OSBPL1A: variants seen among roughly 807,000 people sequenced by gnomAD.
OSBPL1A encodes oxysterol-binding protein-related protein 1.
Under a neutral mutation model 137.1 loss-of-function variants are expected in OSBPL1A, and 80 were observed. The ratio of observed to expected loss-of-function variants is 0.58; its 90% CI spans 0.49 to 0.70. The LOEUF (loss-of-function observed/expected upper bound fraction) is 0.70, where lower values mean the gene tolerates loss of function less well. OSBPL1A is among the 30% of genes least tolerant of loss of function. OSBPL1A has a pLI of 0.00. For missense variants in OSBPL1A, 970 were observed against 1,129.4 expected, an observed-to-expected ratio of 0.86 and a Z score of 2.02; for synonymous variants, 365 against 389.7, an observed-to-expected ratio of 0.94 and a Z score of 0.75.
intron 13 of OSBPL1A, among the ~76,000 whole-genome samples, chr18:24,307,633 C>T (rs886212386): frequency 2.6e-5 from 4 of 152,104 alleles, no homozygotes; most frequent in Admixed American, 1.3e-4. Context: ...TCATTTTATG[C>T]CTTGTCCTTT....
At chr18:24,236,730 A>G (rs2146004362) in intron 16 of OSBPL1A, among the ~76,000 whole-genome samples, 1 of 152,310 alleles carries the variant, frequency 6.6e-6, no homozygotes, top group East Asian at 1.9e-4. Context: ...GAGCCTCAGG[A>G]TCGTTCTCAA....
intron 14 of OSBPL1A, among the ~76,000 whole-genome samples, chr18:24,285,776 T>C (rs1227804598): frequency 6.6e-6 from 1 of 152,198 alleles, no homozygotes; most frequent in Non-Finnish European, 1.5e-5. Flanking sequence ...GGATGATTTA[T>C]CTTTTGTGGT....
intron 13 of OSBPL1A, among the ~76,000 whole-genome samples, chr18:24,310,387 G>T (rs1473451973): frequency 7.3e-6 from 1 of 137,692 alleles, no homozygotes; most frequent in African/African-American, 2.7e-5. Flanking sequence ...AGGAGATCAA[G>T]ATCATCCTGG....
At chr18:24,394,148 T>C (rs908692295) in intron 1 of OSBPL1A, among the ~76,000 whole-genome samples, 9 of 152,218 alleles carry the variant, frequency 5.9e-5, no homozygotes, top group Admixed American at 1.3e-4. Flanking sequence ...TATAAAGCAT[T>C]GAAATCATAA....
intron 15 of OSBPL1A, among the ~76,000 whole-genome samples, chr18:24,255,681 C>T (rs1324191372): frequency 1.3e-5 from 2 of 152,160 alleles, no homozygotes; most frequent in East Asian, 3.8e-4. Context: ...CCAAACTGTG[C>T]TCTGACCACC....
In OSBPL1A at chr18:24,377,483, A is replaced by G. The variant is rs751764618; in HGVS notation, c.51T>C (p.Asn17=). Residue 17 remains asparagine, a synonymous_variant, in exon 2 of 28, where the codon AAT becomes AAC. Transcript: ENST00000319481. ...QQLLHHARNG[N]AEEVRQLLET... is the part of the protein sequence containing the mutation. ...CTAATAGTTGTCTTACTTCTTCAGCATTGCCATTTCTGGCGTGATGGAGAA... is the reference window on the plus strand; with the variant it reads ...CTAATAGTTGTCTTACTTCTTCAGCGTTGCCATTTCTGGCGTGATGGAGAA... 1.2e-6 allele frequency: 2 copies of G among 1,612,410 alleles called. No homozygotes were observed. Among genetic ancestry groups the G allele is most frequent in the Admixed American group, 1.7e-5 (1 of 59,508 alleles).
intron 15 of OSBPL1A, among the ~76,000 whole-genome samples, chr18:24,268,536 T>G (rs1222326010): frequency 6.6e-6 from 1 of 150,608 alleles, no homozygotes; most frequent in African/African-American, 2.4e-5. Context: ...TTTTTTTTTG[T>G]TTTTGTTTTT....
intron 7 of OSBPL1A, among the ~76,000 whole-genome samples, chr18:24,323,334 C>A (rs1369294875): frequency 6.7e-6 from 1 of 150,178 alleles, no homozygotes; most frequent in African/African-American, 2.4e-5. Flanking sequence ...GGGTGGATCG[C>A]TTGATGCCAG....
At chr18:24,269,433 TA>T (rs2089661363) in intron 15 of OSBPL1A, among the ~76,000 whole-genome samples, 1 of 152,238 alleles carries the variant, frequency 6.6e-6, no homozygotes, top group East Asian at 1.9e-4. Flanking sequence ...TGTAAGAATT[TA>T]TTTAGTCACC....
chr18:24,239,461 T>A, intron 15 of OSBPL1A, 79 bp from the exon 16 acceptor site: 1 of 1,343,692 alleles, frequency 7.4e-7, no homozygotes, highest in Non-Finnish European at 1.0e-6. Context: ...GAAAATTAAT[T>A]GCTTTTGATC....
At chr18:24,245,540 A>G (rs1170183363) in intron 15 of OSBPL1A, among the ~76,000 whole-genome samples, 1 of 152,198 alleles carries the variant, frequency 6.6e-6, no homozygotes, top group African/African-American at 2.4e-5. Flanking sequence ...TCTTCTGCAC[A>G]CAAGTCTGAC....
At chr18:24,210,648 C>T (rs927283776) in intron 17 of OSBPL1A, among the ~76,000 whole-genome samples, 3 of 151,792 alleles carry the variant, frequency 2.0e-5, no homozygotes, top group African/African-American at 7.3e-5. Context: ...AATCCTCCTG[C>T]TTCAGCCTCC....
intron 14 of OSBPL1A, among the ~76,000 whole-genome samples, chr18:24,290,298 G>A (rs2090152422): frequency 6.6e-6 from 1 of 152,168 alleles, no homozygotes; most frequent in Admixed American, 6.5e-5. Context: ...CAAAAGGCAA[G>A]GCTGATGCAA....
intron 19 of OSBPL1A, 128 bp from the exon 20 acceptor site, chr18:24,179,963 T>A: frequency 1.4e-6 from 1 of 707,384 alleles, no homozygotes; most frequent in South Asian, 1.6e-5. Flanking sequence ...CTTTGGAGTT[T>A]TAATATGGCT....
intron 13 of OSBPL1A, among the ~76,000 whole-genome samples, chr18:24,309,846 A>C (rs2090579823): frequency 6.6e-6 from 1 of 152,070 alleles, no homozygotes; most frequent in Non-Finnish European, 1.5e-5. Context: ...CAGGAGCTTG[A>C]GACCAGCCTG....
intron 14 of OSBPL1A, among the ~76,000 whole-genome samples, chr18:24,287,764 T>G (rs1022681592): frequency 2.8e-5 from 2 of 71,248 alleles, no homozygotes; most frequent in African/African-American, 1.0e-4. Context: ...AGAGAGAGAC[T>G]CTGTCTCAAA....
chr18:24,334,565 A>G (rs2091138176), intron 5 of OSBPL1A, among the ~76,000 whole-genome samples: 1 of 152,202 alleles, frequency 6.6e-6, no homozygotes, highest in Non-Finnish European at 1.5e-5. Flanking sequence ...CTCACTAACA[A>G]TAACCATCAA....
At chr18:24,204,019 T>C (rs2087296199) in intron 17 of OSBPL1A, among the ~76,000 whole-genome samples, 2 of 152,248 alleles carry the variant, frequency 1.3e-5, no homozygotes, top group African/African-American at 4.8e-5. Flanking sequence ...TATTCTTATT[T>C]AAATCTGATG....
At position 24,162,933 on chromosome 18, in the gene OSBPL1A, T is replaced by C. The variant is rs1025946039; in HGVS notation, c.*246A>G. ...AAAAGCATATTCCCCAGCAGTGTTC[T>C]CTTACCTCTATATAAAATAGTATTC... On this transcript the variant is annotated 3_prime_UTR_variant, in exon 28 of 28. Transcript: ENST00000319481. 23 of 322,900 alleles carry C rather than the reference T, an allele frequency of 7.1e-5. No individual in the cohort carries two copies. Among genetic ancestry groups the C allele is most frequent in the Admixed American group, 1.4e-4 (3 of 21,134 alleles). 20.0% of individuals were successfully genotyped at this position (322,900 alleles called of 1,614,324 possible).
Sources: allele counts gnomAD v4.1 joint callset (sites outside exome capture counted in the v4.1 genomes callset), GRCh38; gene constraint gnomAD v4.1.1; transcripts MANE v1.5; gene names NCBI Gene and HGNC (gene_info 2026-07-23, HGNC 2026-07-21).